Variants in SCN10A observed in about 807,000 individuals in gnomAD.
SCN10A encodes the protein sodium voltage-gated channel alpha subunit 10.
In SCN10A, 162 loss-of-function variants were observed where a neutral mutation model predicts 170.7. The observed-to-expected ratio is 0.95, with a 90% CI of 0.84 to 1.08. The LOEUF (loss-of-function observed/expected upper bound fraction) is 1.08, where lower values mean the gene tolerates loss of function less well. SCN10A is among the 50% of genes least tolerant of loss of function. The pLI is 0.00. For synonymous variants in SCN10A, 985 were observed against 904.6 expected, an observed-to-expected ratio of 1.09 and a Z score of -1.59; for missense variants, 2,527 against 2,436.9, an observed-to-expected ratio of 1.04 and a Z score of -0.78.
chr3:38,794,147 C>T (rs533123408), intron 1 of SCN10A, 105 bp from the exon 2 acceptor site: 1 of 769,614 alleles, frequency 1.3e-6, no homozygotes. Flanking sequence ...CTCCCACCCT[C>T]ATATCTGGCC....
chr3:38,736,427 A>G (rs1211196772), intron 15 of SCN10A, among the ~76,000 whole-genome samples: 3 of 147,416 alleles, frequency 2.0e-5, no homozygotes, highest in Non-Finnish European at 4.5e-5. Flanking sequence ...ATGGTATATG[A>G]AAGCTTTCTG....
intron 3 of SCN10A, among the ~76,000 whole-genome samples, chr3:38,789,294 T>C (rs1163836474): frequency 2.0e-5 from 3 of 152,080 alleles, no homozygotes; most frequent in Admixed American, 6.6e-5. Flanking sequence ...TGACAAAAAA[T>C]AAAAGTTAAA....
At chr3:38,746,424 A>G (rs1467237591) in intron 13 of SCN10A, among the ~76,000 whole-genome samples, 1 of 151,910 alleles carries the variant, frequency 6.6e-6, no homozygotes, top group Non-Finnish European at 1.5e-5. Context: ...AAGCACTGCC[A>G]TCTTGTACTT....
intron 15 of SCN10A, among the ~76,000 whole-genome samples, chr3:38,732,474 T>C (rs2063521821): frequency 2.0e-5 from 3 of 152,242 alleles, no homozygotes; most frequent in Admixed American, 1.3e-4. Flanking sequence ...CATACATCTC[T>C]ATTATGTTAA....
intron 1 of SCN10A, among the ~76,000 whole-genome samples, 165 bp downstream of exon 1, chr3:38,815,872 A>G (rs1203290731): frequency 6.6e-6 from 1 of 152,132 alleles, no homozygotes; most frequent in Non-Finnish European, 1.5e-5. Flanking sequence ...GATTAATAGT[A>G]TTTTTCCAAG....
intron 7 of SCN10A, 131 bp from the exon 8 acceptor site, chr3:38,760,878 C>T (rs1315872123): frequency 7.0e-6 from 5 of 710,794 alleles, no homozygotes; most frequent in Non-Finnish European, 7.2e-6. Context: ...AGTGGGCATG[C>T]TGGGCCACAT....
intron 4 of SCN10A, among the ~76,000 whole-genome samples, chr3:38,774,420 T>C (rs1379047116): frequency 2.6e-5 from 4 of 152,190 alleles, no homozygotes; most frequent in Non-Finnish European, 5.9e-5. Flanking sequence ...GCATCCTCTC[T>C]TTGGTGGTAT....
At position 38,726,806 on chromosome 3, in the gene SCN10A, C is replaced by T. The variant is rs1329768354; in HGVS notation, c.2887G>A (p.Ala963Thr). ...LSSSKAENHI[A>T]ANTARGSSGG... is the part of the protein sequence containing the mutation. ...GAGCTCCCCCTGGCAGTGTTGGCAG[C>T]AATGTGGTTCTCAGCCTTGGAGCTG... The change falls in exon 17 of 28, where the codon GCT becomes ACT. Residue 963 changes from alanine (A) to threonine (T), a missense_variant. Coordinates refer to ENST00000449082, the MANE Select transcript of SCN10A (RefSeq NM_006514.4). The T allele has an allele frequency of 6.2e-7, 1 of 1,611,920 alleles. No homozygotes were observed. The highest frequency in any genetic ancestry group is 8.5e-7 in the Non-Finnish European group (1 of 1,178,120).
At chr3:38,723,228 T>C (rs1205224239) in intron 19 of SCN10A, among the ~76,000 whole-genome samples, 1 of 152,180 alleles carries the variant, frequency 6.6e-6, no homozygotes, top group African/African-American at 2.4e-5. Context: ...TAGTGTCTGA[T>C]AGGGCATGAG....
chr3:38,794,537 G>T (rs2064325133), intron 1 of SCN10A, among the ~76,000 whole-genome samples: 1 of 152,188 alleles, frequency 6.6e-6, no homozygotes, highest in South Asian at 2.1e-4. Flanking sequence ...GAGAACTCCA[G>T]ATTATTGGAG....
chr3:38,757,227 A>G (rs1166586125), intron 8 of SCN10A, 68 bp from the exon 9 acceptor site: 4 of 1,470,100 alleles, frequency 2.7e-6, no homozygotes, highest in Non-Finnish European at 3.7e-6. Context: ...CTGCGAGACA[A>G]CCACAGAGTT....
chr3:38,699,138 G>A (rs2063129997), intron 27 of SCN10A, among the ~76,000 whole-genome samples: 1 of 151,806 alleles, frequency 6.6e-6, no homozygotes, highest in South Asian at 2.1e-4. Context: ...TCGGGCAACT[G>A]GCTGACAGCT....
intron 20 of SCN10A, among the ~76,000 whole-genome samples, chr3:38,721,127 T>G (rs1418317092): frequency 6.6e-6 from 1 of 152,204 alleles, no homozygotes; most frequent in Non-Finnish European, 1.5e-5. Flanking sequence ...CCCGCACCTG[T>G]GCTCCTCCCT....
intron 6 of SCN10A, 115 bp from the exon 7 acceptor site, chr3:38,761,498 A>C: frequency 1.2e-6 from 1 of 802,036 alleles, no homozygotes. Flanking sequence ...GTATGTACAC[A>C]CTCCAGGGCA....
intron 21 of SCN10A, among the ~76,000 whole-genome samples, chr3:38,715,970 A>C (rs902226656): frequency 4.6e-5 from 7 of 152,210 alleles, no homozygotes; most frequent in African/African-American, 1.7e-4. Context: ...GAAAGAAAGA[A>C]GTACAGCTGG....
intron 5 of SCN10A, among the ~76,000 whole-genome samples, chr3:38,769,786 G>C (rs1379013930): frequency 6.6e-6 from 1 of 152,152 alleles, no homozygotes; most frequent in South Asian, 2.1e-4. Flanking sequence ...ATCCCCTGGG[G>C]ATGGGGCTTC....
intron 8 of SCN10A, among the ~76,000 whole-genome samples, chr3:38,759,982 T>C (rs1020538875): frequency 3.9e-5 from 6 of 152,332 alleles, no homozygotes; most frequent in Non-Finnish European, 7.4e-5. Flanking sequence ...GCTGTGATGA[T>C]TAAGTGTAGA....
intron 1 of SCN10A, among the ~76,000 whole-genome samples, chr3:38,813,925 AT>A (rs1252660645): frequency 6.6e-6 from 1 of 152,238 alleles, no homozygotes; most frequent in Non-Finnish European, 1.5e-5. Flanking sequence ...ACACCAAGCC[AT>A]GATTTTTATT....
At chr3:38,742,632 T>A in intron 13 of SCN10A, 103 bp from the exon 14 acceptor site, 1 of 841,158 alleles carries the variant, frequency 1.2e-6, no homozygotes, top group Non-Finnish European at 2.0e-6. Context: ...AAGTACCACC[T>A]CCAACATTTT....
Sources: allele counts gnomAD v4.1 joint callset (sites outside exome capture counted in the v4.1 genomes callset), GRCh38; gene constraint gnomAD v4.1.1; transcripts MANE v1.5; gene names NCBI Gene and HGNC (gene_info 2026-07-23, HGNC 2026-07-21).